The following CYP20A1 variants were observed in gnomAD, a reference collection of about 807,000 sequenced individuals.
The protein encoded by CYP20A1 is cytochrome P450 20A1.
A neutral mutation model predicts 61.4 loss-of-function variants in CYP20A1; 61 were observed. That is an observed-to-expected ratio of 0.99 (90% CI 0.81 to 1.23). The LOEUF (loss-of-function observed/expected upper bound fraction) is 1.23. CYP20A1 is among the 50% of genes most tolerant of loss of function. The probability of loss-of-function intolerance (pLI) is 0.00; values close to 1 mark genes in which losing one functional copy is unlikely to be tolerated. For missense variants in CYP20A1, 530 were observed against 542.4 expected, an observed-to-expected ratio of 0.98 and a Z score of 0.23; for synonymous variants, 193 against 188.2, an observed-to-expected ratio of 1.03 and a Z score of -0.21.
rs371900290 is a variant in CYP20A1 at position 203,245,474 on chromosome 2, C to T, written c.73-372C>T. ...CCCAGGTAATTATTAAGCCTAGTAC[C>T]CATTAGTTGTTTTTCCTGATCCTCT... On this transcript the variant is annotated intron_variant, in intron 1 of 12. Coordinates refer to ENST00000356079, the MANE Select transcript of CYP20A1 (RefSeq NM_177538.3). 1.1e-3 allele frequency among the ~76,000 whole-genome samples: 160 copies of T among 151,532 alleles called. 2 individuals carry two copies. In the South Asian group the frequency reaches 0.033, roughly 31 times the overall value.
In CYP20A1 at chr2:203,301,162, C is replaced by T. The variant is rs533845554; in HGVS notation, c.*4254C>T. ...GGTGAGCCAAGATTGCACCATTGCACTCCAGCCTGGGCAAGAAGAGTGAAA... is the reference window on the plus strand; with the variant it reads ...GGTGAGCCAAGATTGCACCATTGCATTCCAGCCTGGGCAAGAAGAGTGAAA... On this transcript the variant is annotated 3_prime_UTR_variant, in exon 13 of 13. Coordinates refer to ENST00000356079, the MANE Select transcript of CYP20A1 (RefSeq NM_177538.3). Among the ~76,000 whole-genome samples the T allele has an allele frequency of 2.9e-4, 43 of 149,260 alleles. No homozygotes were observed. The highest frequency in any genetic ancestry group is 5.2e-4 in the Non-Finnish European group (35 of 67,520).
At chr2:203,281,396 A>G (rs2068035471) in intron 8 of CYP20A1, among the ~76,000 whole-genome samples, 2 of 152,074 alleles carry the variant, frequency 1.3e-5, no homozygotes, top group Admixed American at 1.3e-4. Flanking sequence ...AATCCCAGTT[A>G]TGTAAGGAAG....
chr2:203,298,505 T>G lies in CYP20A1; in HGVS notation c.*1597T>G, dbSNP rs2068896992. On this transcript the variant is annotated 3_prime_UTR_variant, in exon 13 of 13. Coordinates refer to ENST00000356079, the MANE Select transcript of CYP20A1 (RefSeq NM_177538.3). ...GTGTTCGAGACCAGCCAGGCCAACT[T>G]GGTGAAACCCCGTCTCTACTAAAAA... Among the ~76,000 whole-genome samples the G allele has an allele frequency of 7.1e-6, 1 of 140,540 alleles. No homozygotes were observed. Among genetic ancestry groups the G allele is most frequent in the South Asian group, 2.2e-4 (1 of 4,468 alleles). The allele number at this position is 140,540 out of a possible 152,430, so 92.2% of individuals were successfully genotyped here. A position where few individuals can be genotyped will look rare whatever the true frequency, so the allele number is the denominator to read the frequency against.
chr2:203,296,851 T>C lies in CYP20A1; in HGVS notation c.1332T>C (p.Tyr444=). 1 of 1,610,778 alleles carries C rather than the reference T, an allele frequency of 6.2e-7. No homozygotes were observed. Among genetic ancestry groups the C allele is most frequent in the Non-Finnish European group, 8.5e-7 (1 of 1,178,826 alleles). ...SVEGQVIETK[Y]ELVTSSREEA... ...AGGGACAGGTTATTGAAACAAAGTA[T>C]GAACTGGTAACATCATCAAGGGAAG... The change falls in exon 13 of 13, where the codon TAT becomes TAC. Residue 444 remains tyrosine (Y), a synonymous_variant. Coordinates refer to ENST00000356079, the MANE Select transcript of CYP20A1 (RefSeq NM_177538.3).
intron 3 of CYP20A1, 58 bp from the exon 4 acceptor site, chr2:203,251,909 C>T (rs2066704463): frequency 1.5e-6 from 2 of 1,357,630 alleles, no homozygotes; most frequent in Non-Finnish European, 2.0e-6. Flanking sequence ...TGTTCTCTTA[C>T]AGGGTATCTT....
In CYP20A1 at chr2:203,285,705, T is replaced by C; in HGVS notation, c.944T>C (p.Val315Ala). 6.2e-7 allele frequency: 1 copy of C among 1,600,680 alleles called. No homozygotes were observed. Among genetic ancestry groups the C allele is most frequent in the Non-Finnish European group, 8.5e-7 (1 of 1,177,336 alleles). The change falls in exon 9 of 13, where the codon GTT becomes GCT. Residue 315 changes from valine (V) to alanine (A), a missense_variant. Coordinates refer to ENST00000356079, the MANE Select transcript of CYP20A1 (RefSeq NM_177538.3). ...AACCAAGTTTTTGGAAATGGTCCTG[T>C]TACTCCAGAGAAAATTGAGCAGCTC... Reference protein sequence around the residue: ...EINQVFGNGPVTPEKIEQLRY... With the variant: ...EINQVFGNGPATPEKIEQLRY...
chr2:203,239,037 GA>G lies in CYP20A1; in HGVS notation c.-25del, dbSNP rs2066142157. 2 of 1,610,120 alleles carry G rather than the reference GA, an allele frequency of 1.2e-6. No individual in the cohort carries two copies. The highest frequency in any genetic ancestry group is 2.7e-5 in the African/African-American group (2 of 74,836). ...GCTGCTGCTGGAGCGGCCGATCCGA[GA>G]CGTGGCTCCCTGGGCGGCAGAACCA... is the stretch of plus-strand genomic sequence containing the variant. On this transcript the variant is annotated 5_prime_UTR_variant, in exon 1 of 13. Transcript: ENST00000356079.
At chr2:203,262,728 G>A (rs547463835) in intron 4 of CYP20A1, among the ~76,000 whole-genome samples, 1 of 151,286 alleles carries the variant, frequency 6.6e-6, no homozygotes, top group Non-Finnish European at 1.5e-5. Flanking sequence ...TCTTACTCTC[G>A]TCCAGGCTGG....
intron 3 of CYP20A1, among the ~76,000 whole-genome samples, chr2:203,251,487 T>G (rs2066667688): frequency 6.6e-6 from 1 of 151,672 alleles, no homozygotes; most frequent in Non-Finnish European, 1.5e-5. Flanking sequence ...TAAAAACAGT[T>G]TGCTGGGTGC....
chr2:203,243,407 T>C (rs1276778841), intron 1 of CYP20A1, among the ~76,000 whole-genome samples: 1 of 151,848 alleles, frequency 6.6e-6, no homozygotes, highest in Non-Finnish European at 1.5e-5. Flanking sequence ...TTCTTTTTTT[T>C]TTAGACAGAG....
At chr2:203,277,288 C>T (rs2067861581) in intron 6 of CYP20A1, among the ~76,000 whole-genome samples, 1 of 150,202 alleles carries the variant, frequency 6.7e-6, no homozygotes, top group African/African-American at 2.5e-5. Flanking sequence ...GTGGAGGTTG[C>T]AGTAAGCTGA....
At chr2:203,294,468 C>T (rs1406505361) in intron 11 of CYP20A1, among the ~76,000 whole-genome samples, 5 of 151,358 alleles carry the variant, frequency 3.3e-5, no homozygotes, top group East Asian at 1.9e-4. Context: ...TGCAGTGAGC[C>T]GAGGTCATGT....
chr2:203,251,063 C>CAAA (rs35304069), intron 3 of CYP20A1, among the ~76,000 whole-genome samples: 205 of 48,168 alleles, frequency 4.3e-3, no homozygotes, highest in Non-Finnish European at 5.3e-3. Flanking sequence ...GATTCTGTCT[C>CAAA]AAAAAAAAAA....
Position 203,299,746 on chromosome 2 carries a change from T to G in CYP20A1, c.*2838T>G, listed in dbSNP as rs983801895. On this transcript the variant is annotated 3_prime_UTR_variant, in exon 13 of 13. Transcript: ENST00000356079. The stretch of plus-strand genomic sequence containing the variant: ...AAAATTAGCCAGGCTTGGTGGTGCA[T>G]GCCTGTAATACCAGCTACTCGGGAG... Among the ~76,000 whole-genome samples the G allele has an allele frequency of 6.6e-6, 1 of 151,976 alleles. No homozygotes were observed. The highest frequency in any genetic ancestry group is 2.4e-5 in the African/African-American group (1 of 41,380).
rs1024866380 is a variant in CYP20A1 at position 203,299,405 on chromosome 2, T to A, written c.*2497T>A. On this transcript the variant is annotated 3_prime_UTR_variant, in exon 13 of 13. Coordinates refer to ENST00000356079, the MANE Select transcript of CYP20A1 (RefSeq NM_177538.3). ...ACCACTGCCCTCAGCCAAACCTGAG[T>A]GATAAAGTGAGACCCTATCTCTTAA... Among the ~76,000 whole-genome samples the A allele has an allele frequency of 6.6e-6, 1 of 151,992 alleles. No individual in the cohort carries two copies. The highest frequency in any genetic ancestry group is 1.5e-5 in the Non-Finnish European group (1 of 67,978).
At chr2:203,291,260 C>T (rs1029920491) in intron 10 of CYP20A1, among the ~76,000 whole-genome samples, 2 of 152,090 alleles carry the variant, frequency 1.3e-5, no homozygotes, top group Non-Finnish European at 2.9e-5. Flanking sequence ...TGATATGGAA[C>T]TCCTGGGCTC....
chr2:203,271,881 C>T (rs1215163312), intron 5 of CYP20A1, among the ~76,000 whole-genome samples: 1 of 152,064 alleles, frequency 6.6e-6, no homozygotes, highest in African/African-American at 2.4e-5. Flanking sequence ...CAAAAATTAG[C>T]TGGGCATGGT....
intron 1 of CYP20A1, among the ~76,000 whole-genome samples, chr2:203,244,618 A>T (rs546278635): frequency 1.3e-5 from 2 of 152,118 alleles, no homozygotes; most frequent in African/African-American, 4.8e-5. Flanking sequence ...CACAACAAAG[A>T]AAACGACGAA....
chr2:203,289,254 G>T (rs571423741), intron 9 of CYP20A1, among the ~76,000 whole-genome samples: 2 of 152,028 alleles, frequency 1.3e-5, no homozygotes, highest in East Asian at 3.8e-4. Context: ...TGTATTCTCC[G>T]TCCCTGTTTC....
Sources: gnomAD v4.1 joint callset for allele counts (sites outside exome capture counted in the v4.1 genomes callset) on GRCh38, gnomAD v4.1.1 for gene constraint, MANE v1.5 for transcripts, NCBI Gene and HGNC (gene_info 2026-07-23, HGNC 2026-07-21) for gene names.